The following FAM227B variants were observed in gnomAD, a reference collection of about 807,000 sequenced individuals.
The protein encoded by FAM227B is protein FAM227B.
Under a neutral mutation model 73.8 loss-of-function variants are expected in FAM227B, and 88 were observed. That is an observed-to-expected ratio of 1.19 (90% CI 1.00 to 1.42). The LOEUF (loss-of-function observed/expected upper bound fraction) is 1.42. FAM227B is among the 40% of genes most tolerant of loss of function. FAM227B has a pLI of 0.00. For missense variants in FAM227B, 632 were observed against 590.9 expected, an observed-to-expected ratio of 1.07 and a Z score of -0.72; for synonymous variants, 210 against 190.5, an observed-to-expected ratio of 1.10 and a Z score of -0.84.
At chr15:49,457,071 C>T (rs2053367592) in intron 11 of FAM227B, among the ~76,000 whole-genome samples, 2 of 151,840 alleles carry the variant, frequency 1.3e-5, no homozygotes, top group African/African-American at 4.8e-5. Flanking sequence ...ACTACACCAC[C>T]ATGCCTGTCA....
chr15:49,371,518 G>C lies in FAM227B; in HGVS notation c.1013-119C>G. On this transcript the variant is annotated intron_variant, in intron 11 of 15. Coordinates refer to ENST00000299338, the MANE Select transcript of FAM227B (RefSeq NM_152647.3). ...CTAAACATGGAGAAAGGCAAACATG[G>C]ATAAAGAGTGTTAAGACATTGTTAC... The C allele has an allele frequency of 9.7e-6, 5 of 513,784 alleles. No homozygotes were observed. In the South Asian group the frequency reaches 1.5e-4, roughly 15 times the overall value. The allele number at this position is 513,784 out of a possible 1,614,324, so 31.8% of individuals were successfully genotyped here.
At chr15:49,536,318 T>G (rs2070263816) in intron 10 of FAM227B, among the ~76,000 whole-genome samples, 2 of 151,726 alleles carry the variant, frequency 1.3e-5, no homozygotes, top group South Asian at 2.1e-4. Context: ...AAAATTCCAT[T>G]TAATAAGAGG....
At chr15:49,578,052 G>C (rs1291623956) in intron 5 of FAM227B, among the ~76,000 whole-genome samples, 1 of 152,220 alleles carries the variant, frequency 6.6e-6, no homozygotes, top group Non-Finnish European at 1.5e-5. Flanking sequence ...CAAGGGAAGA[G>C]GCAGGATTGG....
chr15:49,346,160 C>T (rs900762398), intron 13 of FAM227B, among the ~76,000 whole-genome samples: 1 of 151,608 alleles, frequency 6.6e-6, no homozygotes, highest in Non-Finnish European at 1.5e-5. Flanking sequence ...ACCAAAACAA[C>T]ACTTCCGTTG....
intron 14 of FAM227B, among the ~76,000 whole-genome samples, chr15:49,334,048 T>A (rs1337502793): frequency 6.6e-6 from 1 of 152,222 alleles, no homozygotes; most frequent in Non-Finnish European, 1.5e-5. Flanking sequence ...TAGATGATGA[T>A]AATGTTTAGC....
At chr15:49,585,014 T>A (rs1331336225) in intron 5 of FAM227B, among the ~76,000 whole-genome samples, 2 of 151,684 alleles carry the variant, frequency 1.3e-5, no homozygotes, top group Non-Finnish European at 2.9e-5. Flanking sequence ...AACAACCCCA[T>A]CAAAAAGTGG....
At chr15:49,400,204 C>T (rs1304908109) in intron 11 of FAM227B, among the ~76,000 whole-genome samples, 3 of 35,438 alleles carry the variant, frequency 8.5e-5, no homozygotes, top group African/African-American at 2.4e-4. Context: ...TATACACCAA[C>T]AACAGACAAA....
chr15:49,545,161 T>C (rs534888392), intron 9 of FAM227B, among the ~76,000 whole-genome samples: 20 of 152,292 alleles, frequency 1.3e-4, no homozygotes, highest in Admixed American at 7.2e-4. Context: ...TTTTTATTAC[T>C]GTTTCAATCT....
intron 11 of FAM227B, among the ~76,000 whole-genome samples, chr15:49,387,569 C>G (rs2046960909): frequency 6.6e-6 from 1 of 151,734 alleles, no homozygotes. Context: ...AGAACAGAAA[C>G]AAGACAAAGA....
intron 11 of FAM227B, among the ~76,000 whole-genome samples, chr15:49,420,986 G>A (rs1018531838): frequency 1.5e-4 from 23 of 152,274 alleles, no homozygotes; most frequent in Admixed American, 6.5e-4. Flanking sequence ...GATTACAGGC[G>A]TGAGCCACCA....
At chr15:49,354,036 T>A (rs2042661575) in intron 13 of FAM227B, 1 of 152,244 alleles carries the variant, frequency 6.6e-6, no homozygotes, top group Admixed American at 6.5e-5. Context: ...GTGACACTTC[T>A]GGAGTCTCAG....
intron 11 of FAM227B, among the ~76,000 whole-genome samples, chr15:49,443,657 G>C (rs1266277070): frequency 1.3e-5 from 2 of 151,694 alleles, no homozygotes; most frequent in African/African-American, 4.8e-5. Flanking sequence ...TGAGAAGTGA[G>C]TGAAGTTCCA....
chr15:49,572,984 CT>C (rs984852077), intron 8 of FAM227B, among the ~76,000 whole-genome samples: 16 of 147,718 alleles, frequency 1.1e-4, no homozygotes, highest in South Asian at 2.1e-4. Context: ...ATAGGTTTGG[CT>C]TTTTTTTTTC....
At chr15:49,539,916 T>C (rs1567524760) in intron 10 of FAM227B, among the ~76,000 whole-genome samples, 2 of 152,220 alleles carry the variant, frequency 1.3e-5, no homozygotes, top group Non-Finnish European at 2.9e-5. Flanking sequence ...AACATGGACA[T>C]GCATGCTCCT....
At chr15:49,523,945 TAAGCAGCAAAGCATTC>T (rs2059965767) in intron 10 of FAM227B, among the ~76,000 whole-genome samples, 1 of 152,176 alleles carries the variant, frequency 6.6e-6, no homozygotes, top group South Asian at 2.1e-4. Context: ...AAGAAATTTC[TAAGCAGCAAAGCATTC>T]AAGATGTGAC....
intron 13 of FAM227B, among the ~76,000 whole-genome samples, chr15:49,361,264 A>G (rs1326958075): frequency 6.6e-6 from 1 of 152,170 alleles, no homozygotes; most frequent in Non-Finnish European, 1.5e-5. Flanking sequence ...CTTTTATTTT[A>G]GGTTCAGGGG....
chr15:49,489,787 G>GATATATATATATATTTTAT (rs1260917625), intron 11 of FAM227B, among the ~76,000 whole-genome samples: 12 of 78,118 alleles, frequency 1.5e-4, no homozygotes, highest in African/African-American at 3.3e-4. Context: ...CAGAACAGGA[G>GATATATATATATATTTTAT]ATATATATAT....
chr15:49,349,582 G>A (rs1001078717), intron 13 of FAM227B, among the ~76,000 whole-genome samples: 1 of 152,124 alleles, frequency 6.6e-6, no homozygotes, highest in Non-Finnish European at 1.5e-5. Context: ...ATCCCTGGGA[G>A]TCAAGTAGGG....
intron 11 of FAM227B, among the ~76,000 whole-genome samples, chr15:49,382,721 A>G (rs1357684858): frequency 6.6e-6 from 1 of 152,108 alleles, no homozygotes; most frequent in African/African-American, 2.4e-5. Flanking sequence ...TGAGATAAAA[A>G]AGAACAATCA....
Sources: allele counts gnomAD v4.1 joint callset (sites outside exome capture counted in the v4.1 genomes callset), GRCh38; gene constraint gnomAD v4.1.1; transcripts MANE v1.5; gene names NCBI Gene and HGNC (gene_info 2026-07-23, HGNC 2026-07-21).